The following MYL3 variants were observed in gnomAD, a reference collection of about 807,000 sequenced individuals.
MYL3 encodes CMLC1.
In MYL3, 11 loss-of-function variants were observed where a neutral mutation model predicts 21.3. That is an observed-to-expected ratio of 0.52 (90% CI 0.32 to 0.85). The LOEUF (loss-of-function observed/expected upper bound fraction) is 0.85, where lower values mean the gene tolerates loss of function less well. MYL3 is among the 40% of genes least tolerant of loss of function. The pLI, the probability that MYL3 is intolerant of heterozygous loss-of-function variation, is 0.03. For synonymous variants in MYL3, 88 were observed against 91.6 expected (o/e 0.96, Z 0.22); for missense variants, 206 against 253.3 (o/e 0.81, Z 1.27).
At chr3:46,869,637 T>C (rs1702088077) in intron 1 of MYL3, among the ~76,000 whole-genome samples, 1 of 152,206 alleles carries the variant, frequency 6.6e-6, no homozygotes, top group Non-Finnish European at 1.5e-5. Flanking sequence ...TCGTCTTGCG[T>C]GCTTCCACGT....
In MYL3 at chr3:46,870,383, G is replaced by A. The variant is rs60616238; in HGVS notation, c.-217-3783C>T. Among the ~76,000 whole-genome samples the A allele has an allele frequency of 2.6e-4, 39 of 152,208 alleles. No homozygotes were observed. In the South Asian group the frequency reaches 6.6e-3, roughly 26 times the overall value. On this transcript the variant is annotated intron_variant, in intron 1 of 3. Coordinates refer to the MYL3 transcript ENST00000431168. ...AACAGTGATGGAGGTGAAGACAGGAGGGTGACAAGAAGGCCACAGTGGTGG... is the reference window on the plus strand; with the variant it reads ...AACAGTGATGGAGGTGAAGACAGGAAGGTGACAAGAAGGCCACAGTGGTGG...
At chr3:46,876,388 G>A (rs1418536642) in intron 1 of MYL3, among the ~76,000 whole-genome samples, 1 of 152,208 alleles carries the variant, frequency 6.6e-6, no homozygotes, top group African/African-American at 2.4e-5. Flanking sequence ...GGGCACAACT[G>A]CCCACTGACC....
In MYL3 at chr3:46,863,154, G is replaced by A. The variant is rs372396860; in HGVS notation, c.129+108C>T. 214 of 1,529,100 alleles carry A rather than the reference G, an allele frequency of 1.4e-4. 5 individuals carry two copies. In the South Asian group the frequency reaches 1.8e-3, roughly 13 times the overall value. 94.7% of individuals were successfully genotyped at this position (1,529,100 alleles called of 1,614,324 possible). ...TGACCTCTGCACAGAAGCTTCCAGC[G>A]TCAGCTCAGTGCTCACCTCCAGAGC... is the stretch of plus-strand genomic sequence containing the variant. On this transcript the variant is annotated intron_variant, in intron 1 of 6. Transcript: ENST00000292327.
chr3:46,870,483 C>G (rs915735491), intron 1 of MYL3, among the ~76,000 whole-genome samples: 1 of 152,032 alleles, frequency 6.6e-6, no homozygotes, highest in Non-Finnish European at 1.5e-5. Flanking sequence ...ATGGTGGCCC[C>G]CTACACCCAG....
At chr3:46,876,189 C>T (rs1348753872) in intron 1 of MYL3, among the ~76,000 whole-genome samples, 1 of 152,224 alleles carries the variant, frequency 6.6e-6, no homozygotes, top group Non-Finnish European at 1.5e-5. Context: ...AGCAGGAAGG[C>T]GTCTGGCTCA....
chr3:46,868,681 C>T (rs970405578), intron 1 of MYL3, among the ~76,000 whole-genome samples: 1 of 152,186 alleles, frequency 6.6e-6, no homozygotes, highest in Non-Finnish European at 1.5e-5. Flanking sequence ...GGACCCAAGC[C>T]TCATGGGGGA....
chr3:46,874,460 C>T lies in MYL3; in HGVS notation c.-218+7614G>A, dbSNP rs550016825. Among the ~76,000 whole-genome samples, 11 of 152,264 alleles carry T rather than the reference C, an allele frequency of 7.2e-5. No individual in the cohort carries two copies. Among genetic ancestry groups the T allele is most frequent in the Admixed American group, 3.3e-4 (5 of 15,300 alleles). ...TAGGGGTTCTCCACTCGAGGGCTCC[C>T]GGCCACAGCCCCCGGCAAGGACCCA... On this transcript the variant is annotated intron_variant, in intron 1 of 3. Transcript: ENST00000431168. The surrounding 1 kb of genome is among the most constrained non-coding windows in gnomAD (Gnocchi z 4.1).
chr3:46,859,780 G>A lies in MYL3; in HGVS notation c.308-132C>T. The A allele has an allele frequency of 9.3e-7, 1 of 1,071,144 alleles. No homozygotes were observed. The allele number at this position is 1,071,144 out of a possible 1,614,324, so 66.4% of individuals were successfully genotyped here. ...ACAGTCTACACCAGTTCTCACAGCA[G>A]TCTACACCAGTTTGCCATTTAAAAG... is the stretch of plus-strand genomic sequence containing the variant. On this transcript the variant is annotated intron_variant, in intron 3 of 6. Transcript: ENST00000292327. This position sits in a 1 kb window ranked among gnomAD's most constrained non-coding sequence, Gnocchi z 4.1.
chr3:46,874,734 C>CA lies in MYL3; in HGVS notation c.-218+7339_-218+7340insT, dbSNP rs2030089553. Among the ~76,000 whole-genome samples, 2 of 151,998 alleles carry CA rather than the reference C, an allele frequency of 1.3e-5. No homozygotes were observed. The highest frequency in any genetic ancestry group is 4.8e-5 in the African/African-American group (2 of 41,252). ...GGGTATTCCGAGGCACAGACCCCCC[C>CA]CCACACACACAATAGGGACGCACTA... On this transcript the variant is annotated intron_variant, in intron 1 of 3. Transcript: ENST00000431168. This position sits in a 1 kb window ranked among gnomAD's most constrained non-coding sequence, Gnocchi z 4.1.
chr3:46,876,425 T>C (rs1163458808), intron 1 of MYL3, among the ~76,000 whole-genome samples: 1 of 152,184 alleles, frequency 6.6e-6, no homozygotes, highest in East Asian at 1.9e-4. Context: ...CAGAATAGCC[T>C]ACGTGTCCCA....
intron 1 of MYL3, among the ~76,000 whole-genome samples, chr3:46,875,527 C>T (rs1473648051): frequency 2.6e-5 from 4 of 152,254 alleles, no homozygotes; most frequent in South Asian, 2.1e-4. Flanking sequence ...TCTGAGGAGA[C>T]ACCCTTCTGG....
chr3:46,873,079 G>T (rs754338865), intron 1 of MYL3, among the ~76,000 whole-genome samples: 1 of 152,216 alleles, frequency 6.6e-6, no homozygotes. Flanking sequence ...TGGGACAGAG[G>T]CAGCAGCATA....
In MYL3 at chr3:46,860,309, G is replaced by A. The variant is rs1002071143; in HGVS notation, c.307+367C>T. 6.6e-6 allele frequency among the ~76,000 whole-genome samples: 1 copy of A among 151,968 alleles called. No homozygotes were observed. Among genetic ancestry groups the A allele is most frequent in the Non-Finnish European group, 1.5e-5 (1 of 68,002 alleles). On this transcript the variant is annotated intron_variant, in intron 3 of 6. Transcript: ENST00000292327. The surrounding 1 kb of genome is among the most constrained non-coding windows in gnomAD (Gnocchi z 4.6). ...ATGCCAAGCTAAATTTTTAATTTTT[G>A]TAGAGATAGAATCTCACTATGTTAC...
chr3:46,877,428 G>A (rs1316843407), intron 1 of MYL3, among the ~76,000 whole-genome samples: 2 of 152,212 alleles, frequency 1.3e-5, no homozygotes, highest in East Asian at 3.9e-4. Flanking sequence ...GTTAGACAGG[G>A]ACACAGAGAC....
intron 6 of MYL3, 27 bp downstream of exon 6, chr3:46,858,204 C>T (rs377399218): frequency 3.3e-5 from 54 of 1,613,132 alleles, no homozygotes; most frequent in Admixed American, 1.2e-4. Context: ...GTGGCAGCAG[C>T]GGGTTCAGGA....
chr3:46,876,995 G>GA (rs745620442), intron 1 of MYL3, among the ~76,000 whole-genome samples: 4 of 152,176 alleles, frequency 2.6e-5, no homozygotes, highest in Non-Finnish European at 5.9e-5. Context: ...CCCACAGAGA[G>GA]AAGTCATCCT....
rs989644792 is a variant in MYL3 at position 46,874,019 on chromosome 3, C to T, written c.-217-7419G>A. On this transcript the variant is annotated intron_variant, in intron 1 of 3. Coordinates refer to the MYL3 transcript ENST00000431168. This position sits in a 1 kb window ranked among gnomAD's most constrained non-coding sequence, Gnocchi z 4.1. ...CCACCTGTGCCCAGTGAGAGCCCTT[C>T]GGCCTCTTCCAAAGAGGCTCACCTC... is the stretch of plus-strand genomic sequence containing the variant. Among the ~76,000 whole-genome samples, 9 of 152,206 alleles carry T rather than the reference C, an allele frequency of 5.9e-5. No individual in the cohort carries two copies. The South Asian group carries it at 6.2e-4, about 11-fold the overall frequency.
chr3:46,860,037 T>G lies in MYL3; in HGVS notation c.308-389A>C, dbSNP rs7631604. On this transcript the variant is annotated intron_variant, in intron 3 of 6. Coordinates refer to ENST00000292327, the MANE Select transcript of MYL3 (RefSeq NM_000258.3). The surrounding 1 kb of genome is among the most constrained non-coding windows in gnomAD (Gnocchi z 4.6). ...AGCTAGGCCAATCAGAGACCTTCCC[T>G]GGGACTTTTGAACCCTTGGTGGGGG... 1.2e-4 allele frequency among the ~76,000 whole-genome samples: 18 copies of G among 151,700 alleles called. No individual in the cohort carries two copies. Among genetic ancestry groups the G allele is most frequent in the African/African-American group, 4.1e-4 (17 of 41,322 alleles).
rs199880546 is a variant in MYL3 at position 46,858,492 on chromosome 3, G to A, written c.482-31C>T. Reference sequence around the variant, plus strand: ...AGGAGTGGGAGGCTGAGTCAGCACCGTGCGTGCAGAGGCATGATGGGGTGG... The same window carrying A: ...AGGAGTGGGAGGCTGAGTCAGCACCATGCGTGCAGAGGCATGATGGGGTGG... On this transcript the variant is annotated intron_variant, in intron 4 of 6. Transcript: ENST00000292327. 9.5e-5 allele frequency: 153 copies of A among 1,603,460 alleles called. No individual in the cohort carries two copies. The East Asian group carries it at 2.5e-3, about 26-fold the overall frequency.
Sources: gnomAD v4.1 joint callset for allele counts (sites outside exome capture counted in the v4.1 genomes callset) on GRCh38, gnomAD v4.1.1 for gene constraint, Gnocchi (gnomAD v3.1) non-coding constraint, MANE v1.5 for transcripts, NCBI Gene and HGNC (gene_info 2026-07-23, HGNC 2026-07-21) for gene names.